PRKAG2: variants seen among roughly 807,000 people sequenced by gnomAD.
PRKAG2 encodes 5'-AMP-activated protein kinase subunit gamma-2.
PRKAG2 carries 26 observed loss-of-function variants against 69.6 expected under a neutral mutation model. The ratio of observed to expected loss-of-function variants is 0.37; its 90% CI spans 0.27 to 0.52. The LOEUF (loss-of-function observed/expected upper bound fraction) is 0.52, where lower values mean the gene tolerates loss of function less well. Among genes scored for constraint, PRKAG2 ranks in the 20% least tolerant of loss-of-function variants. The probability of loss-of-function intolerance (pLI) is 0.90; values close to 1 mark genes in which losing one functional copy is unlikely to be tolerated. For synonymous variants in PRKAG2, 293 were observed against 285.0 expected, an observed-to-expected ratio of 1.03 and a Z score of -0.28; for missense variants, 557 against 740.0, an observed-to-expected ratio of 0.75 and a Z score of 2.87.
chr7:151,867,977 C>T lies in PRKAG2; in HGVS notation c.114+8530G>A, dbSNP rs1445035768. ...GCCAGCAGAGCTGCAGGGCACCCCCCTCCAGGACCAGGCCTTTGGCTCATG... is the reference window on the plus strand; with the variant it reads ...GCCAGCAGAGCTGCAGGGCACCCCCTTCCAGGACCAGGCCTTTGGCTCATG... On this transcript the variant is annotated intron_variant, in intron 1 of 15. Transcript: ENST00000287878. Among the ~76,000 whole-genome samples the T allele has an allele frequency of 2.0e-5, 3 of 152,350 alleles. No homozygotes were observed. The East Asian group carries it at 5.8e-4, about 29-fold the overall frequency.
Position 151,782,380 on chromosome 7 carries a change from AGAAGGAAGGAAG to A in PRKAG2, c.187-961_187-950del, listed in dbSNP as rs878861161. Among the ~76,000 whole-genome samples the A allele has an allele frequency of 7.6e-3, 466 of 61,628 alleles. 2 individuals carry two copies. Among genetic ancestry groups the A allele is most frequent in the Non-Finnish European group, 0.012 (374 of 31,590 alleles). 40.4% of individuals were successfully genotyped at this position (61,628 alleles called of 152,430 possible). A position where few individuals can be genotyped will look rare whatever the true frequency, so the allele number is the denominator to read the frequency against. Reference sequence around the variant, plus strand: ...GGGAGGGAGGGAGGGAGGGAAGGAAAGAAGGAAGGAAGGAAGGAAGGAAGGAAGGAAGGAAGG... The same window carrying A: ...GGGAGGGAGGGAGGGAGGGAAGGAAAGAAGGAAGGAAGGAAGGAAGGAAGG... On this transcript the variant is annotated intron_variant, in intron 2 of 15. Transcript: ENST00000287878.
chr7:151,665,041 G>C (rs1037033992), intron 4 of PRKAG2, among the ~76,000 whole-genome samples: 2 of 152,210 alleles, frequency 1.3e-5, no homozygotes, highest in African/African-American at 4.8e-5. Context: ...TGCATCTGTA[G>C]GAGTAGGTAT....
intron 3 of PRKAG2, among the ~76,000 whole-genome samples, chr7:151,768,585 C>A (rs1387628524): frequency 1.3e-5 from 2 of 152,194 alleles, no homozygotes; most frequent in African/African-American, 2.4e-5. Context: ...CCTGCCTCAG[C>A]CTCCCTTAGT....
At position 151,624,180 on chromosome 7, in the gene PRKAG2, A is replaced by ATAT. The variant is rs1335025198; in HGVS notation, c.754+7888_754+7889insATA. Among the ~76,000 whole-genome samples, 204 of 129,896 alleles carry ATAT rather than the reference A, an allele frequency of 1.6e-3. No individual in the cohort carries two copies. The Middle Eastern group carries it at 0.016, about 10-fold the overall frequency. The allele number at this position is 129,896 out of a possible 152,430, so 85.2% of individuals were successfully genotyped here. A position where few individuals can be genotyped will look rare whatever the true frequency, so the allele number is the denominator to read the frequency against. ...TGTGTGTGTGTGTACATATATATAT[A>ATAT]TTTTTTTTTTCAGATAAGGTCTTGC... On this transcript the variant is annotated intron_variant, in intron 5 of 15. Transcript: ENST00000287878.
At chr7:151,624,175 T>C (rs977807118) in intron 5 of PRKAG2, among the ~76,000 whole-genome samples, 5 of 142,246 alleles carry the variant, frequency 3.5e-5, no homozygotes. Flanking sequence ...TGTACATATA[T>C]ATATATTTTT....
At chr7:151,729,527 C>G (rs1798581592) in intron 3 of PRKAG2, among the ~76,000 whole-genome samples, 1 of 152,130 alleles carries the variant, frequency 6.6e-6, no homozygotes, top group African/African-American at 2.4e-5. Context: ...GCTCTGTCCG[C>G]ACTCCACTTG....
intron 1 of PRKAG2, among the ~76,000 whole-genome samples, chr7:151,856,315 G>A (rs985612564): frequency 7.2e-5 from 11 of 152,246 alleles, no homozygotes; most frequent in African/African-American, 2.2e-4. Context: ...TCCCCGTGGC[G>A]ATCTTTCCAA....
At chr7:151,588,253 C>T (rs773235341) in intron 6 of PRKAG2, among the ~76,000 whole-genome samples, 3 of 152,110 alleles carry the variant, frequency 2.0e-5, no homozygotes, top group Non-Finnish European at 2.9e-5. Context: ...TGAATTGAAG[C>T]TCCCATAATT....
chr7:151,819,258 C>G (rs1043099115), intron 1 of PRKAG2, among the ~76,000 whole-genome samples: 1 of 152,302 alleles, frequency 6.6e-6, no homozygotes, highest in East Asian at 1.9e-4. Context: ...GGGTCCTGCT[C>G]GGAGTGCATC....
At chr7:151,577,260 A>G (rs1809183065) in intron 6 of PRKAG2, among the ~76,000 whole-genome samples, 2 of 152,224 alleles carry the variant, frequency 1.3e-5, no homozygotes, top group African/African-American at 4.8e-5. Flanking sequence ...CCTTCCAGAC[A>G]CAAATGGGTC....
intron 1 of PRKAG2, among the ~76,000 whole-genome samples, chr7:151,817,586 A>G (rs2078675199): frequency 6.6e-6 from 1 of 152,140 alleles, no homozygotes; most frequent in South Asian, 2.1e-4. Flanking sequence ...TCCTGACCCT[A>G]GAGCTTGGCA....
At chr7:151,675,064 G>A (rs565615713) in intron 4 of PRKAG2, 3 of 357,318 alleles carry the variant, frequency 8.4e-6, no homozygotes, top group East Asian at 7.3e-5. Context: ...TGGGATACAG[G>A]TGCACGCCAC....
At chr7:151,775,812 G>A (rs546374377) in intron 3 of PRKAG2, among the ~76,000 whole-genome samples, 2 of 152,226 alleles carry the variant, frequency 1.3e-5, no homozygotes, top group East Asian at 1.9e-4. Context: ...TGGCTTTCAC[G>A]GGGCTGTTTC....
At chr7:151,834,246 T>C (rs1390853727) in intron 1 of PRKAG2, among the ~76,000 whole-genome samples, 4 of 152,204 alleles carry the variant, frequency 2.6e-5, no homozygotes, top group Non-Finnish European at 4.4e-5. Context: ...TGTCTTAAAC[T>C]GACTCCCACT....
chr7:151,868,253 C>A (rs1400631211), intron 1 of PRKAG2, among the ~76,000 whole-genome samples: 1 of 152,198 alleles, frequency 6.6e-6, no homozygotes, highest in Non-Finnish European at 1.5e-5. Flanking sequence ...AGTGAGATTC[C>A]AATTAACCAT....
rs1307008250 is a variant in PRKAG2 at position 151,632,472 on chromosome 7, G to A, written c.685-334C>T. 2.6e-6 allele frequency: 2 copies of A among 761,248 alleles called. No individual in the cohort carries two copies. The highest frequency in any genetic ancestry group is 3.2e-6 in the Non-Finnish European group (2 of 626,018). 47.2% of individuals were successfully genotyped at this position (761,248 alleles called of 1,614,324 possible). ...CTCGAGGGCGGCAGCGCCTGGGCCC[G>A]GGGCGCCCCCCTCCGGCCGTGGCCC... On this transcript the variant is annotated intron_variant, in intron 4 of 15. Coordinates refer to ENST00000287878, the MANE Select transcript of PRKAG2 (RefSeq NM_016203.4). This position sits in a 1 kb window ranked among gnomAD's most constrained non-coding sequence, Gnocchi z 4.2.
In PRKAG2 at chr7:151,644,951, T is replaced by C. The variant is rs1827315664; in HGVS notation, c.685-12813A>G. On this transcript the variant is annotated intron_variant, in intron 4 of 15. Transcript: ENST00000287878. Reference sequence around the variant, plus strand: ...TGAGGACAATATCTTTTTGTGTTTATTGGTAATTAATGTGTTTTCTTTTGT... The same window carrying C: ...TGAGGACAATATCTTTTTGTGTTTACTGGTAATTAATGTGTTTTCTTTTGT... 3.3e-5 allele frequency among the ~76,000 whole-genome samples: 5 copies of C among 152,346 alleles called. No individual in the cohort carries two copies. The South Asian group carries it at 1.0e-3, about 32-fold the overall frequency.
At chr7:151,787,258 G>A (rs368936422) in intron 1 of PRKAG2, among the ~76,000 whole-genome samples, 2 of 152,096 alleles carry the variant, frequency 1.3e-5, no homozygotes, top group African/African-American at 2.4e-5. Context: ...TTAAGTGTGC[G>A]GTTTGGTGGC....
intron 2 of PRKAG2, among the ~76,000 whole-genome samples, chr7:151,783,013 A>G (rs1174164830): frequency 1.3e-5 from 2 of 152,204 alleles, no homozygotes; most frequent in African/African-American, 4.8e-5. Context: ...GACACCCCAC[A>G]GGCAGCCTCG....
Sources: allele counts gnomAD v4.1 joint callset (sites outside exome capture counted in the v4.1 genomes callset), GRCh38; gene constraint gnomAD v4.1.1; non-coding constraint Gnocchi (gnomAD v3.1); transcripts MANE v1.5; gene names NCBI Gene and HGNC (gene_info 2026-07-23, HGNC 2026-07-21).